The following CEP112 variants were observed in gnomAD, a reference collection of about 807,000 sequenced individuals.
CEP112 encodes the protein centrosomal protein of 112 kDa.
Under a neutral mutation model 153.0 loss-of-function variants are expected in CEP112, and 127 were observed. The ratio of observed to expected loss-of-function variants is 0.83; its 90% CI spans 0.72 to 0.96. The LOEUF is 0.96. Ranked by LOEUF, CEP112 falls within the 40% of genes least tolerant of loss-of-function variation. The pLI is 0.00. For missense variants in CEP112, 1,089 were observed against 1,101.2 expected (o/e 0.99, Z 0.16); for synonymous variants, 358 against 374.4 (o/e 0.96, Z 0.51).
At chr17:65,942,067 G>A (rs2144496548) in intron 18 of CEP112, among the ~76,000 whole-genome samples, 1 of 152,280 alleles carries the variant, frequency 6.6e-6, no homozygotes, top group Non-Finnish European at 1.5e-5. Context: ...CCAGGGCCAT[G>A]GACTGGTACT....
At chr17:65,679,956 T>G (rs1020360356) in intron 24 of CEP112, among the ~76,000 whole-genome samples, 3 of 152,226 alleles carry the variant, frequency 2.0e-5, no homozygotes, top group African/African-American at 7.2e-5. Context: ...GGACCAAGTT[T>G]TATTCTTTAA....
chr17:65,646,403 G>C (rs2045434749), intron 24 of CEP112, among the ~76,000 whole-genome samples: 4 of 152,130 alleles, frequency 2.6e-5, no homozygotes, highest in Admixed American at 2.6e-4. Flanking sequence ...AAACTCAAAT[G>C]CTCAATTTAA....
At chr17:65,871,345 T>C (rs2146505543) in intron 20 of CEP112, among the ~76,000 whole-genome samples, 1 of 152,198 alleles carries the variant, frequency 6.6e-6, no homozygotes, top group East Asian at 1.9e-4. Context: ...ACTACTACTT[T>C]AAATACATGC....
intron 16 of CEP112, among the ~76,000 whole-genome samples, chr17:66,025,626 G>C (rs1415283654): frequency 6.6e-6 from 1 of 151,988 alleles, no homozygotes; most frequent in Non-Finnish European, 1.5e-5. Flanking sequence ...AGTCAGAATG[G>C]CTATTATTAA....
At chr17:65,850,207 T>G (rs1003809627) in intron 21 of CEP112, among the ~76,000 whole-genome samples, 19 of 151,384 alleles carry the variant, frequency 1.3e-4, no homozygotes, top group African/African-American at 4.6e-4. Flanking sequence ...GAACTGTATA[T>G]TTTAGCATCG....
chr17:65,817,954 T>C (rs1334465981), intron 21 of CEP112, among the ~76,000 whole-genome samples: 1 of 151,882 alleles, frequency 6.6e-6, no homozygotes, highest in African/African-American at 2.4e-5. Flanking sequence ...ATAAACTAAT[T>C]TGCATTTTTT....
At chr17:65,809,328 G>C (rs554319313) in intron 21 of CEP112, among the ~76,000 whole-genome samples, 1 of 152,314 alleles carries the variant, frequency 6.6e-6, no homozygotes, top group East Asian at 1.9e-4. Flanking sequence ...ATACTGATGA[G>C]AAGCCATTGG....
chr17:65,797,196 C>T (rs932204094), intron 21 of CEP112: 2 of 152,276 alleles, frequency 1.3e-5, no homozygotes, highest in African/African-American at 4.8e-5. Context: ...CATTCCTTGG[C>T]TTCCACAAGA....
chr17:65,778,600 A>T (rs542661969), intron 21 of CEP112, among the ~76,000 whole-genome samples: 6 of 151,232 alleles, frequency 4.0e-5, no homozygotes, highest in African/African-American at 9.9e-5. Context: ...TGAATTAATT[A>T]AAAAAAGAAG....
chr17:65,679,225 A>C (rs1014488073), intron 24 of CEP112, among the ~76,000 whole-genome samples: 4 of 132,750 alleles, frequency 3.0e-5, no homozygotes, highest in African/African-American at 1.1e-4. Context: ...TGTGGCCAAA[A>C]TTACATGTGG....
chr17:65,712,274 G>A (rs896123859), intron 23 of CEP112, among the ~76,000 whole-genome samples: 8 of 152,116 alleles, frequency 5.3e-5, no homozygotes, highest in South Asian at 2.1e-4. Context: ...TGGTCTGGCC[G>A]CCATGGGGCA....
chr17:66,067,319 C>G (rs2067160045), intron 9 of CEP112, among the ~76,000 whole-genome samples: 1 of 152,134 alleles, frequency 6.6e-6, no homozygotes. Context: ...TAAATTGATT[C>G]TCAAATGTCA....
At chr17:65,847,100 T>C (rs988448240) in intron 21 of CEP112, among the ~76,000 whole-genome samples, 2 of 152,162 alleles carry the variant, frequency 1.3e-5, no homozygotes, top group African/African-American at 4.8e-5. Context: ...AAAACCGAAC[T>C]CATCGCACTC....
chr17:66,087,782 C>T (rs1051423697), intron 8 of CEP112, among the ~76,000 whole-genome samples: 1 of 152,118 alleles, frequency 6.6e-6, no homozygotes, highest in Non-Finnish European at 1.5e-5. Flanking sequence ...ACTCACATCA[C>T]CCCTCCCCCA....
intron 19 of CEP112, 95 bp from the exon 20 acceptor site, chr17:65,902,429 T>C: frequency 1.0e-6 from 1 of 1,004,512 alleles, no homozygotes; most frequent in South Asian, 2.2e-5. Flanking sequence ...TTTGTCCAAG[T>C]TGAAAATTTT....
chr17:65,792,976 G>T (rs538106550), intron 21 of CEP112, among the ~76,000 whole-genome samples: 3 of 151,978 alleles, frequency 2.0e-5, no homozygotes, highest in Non-Finnish European at 4.4e-5. Context: ...TTAGCTGGAC[G>T]CCTAGTGGGC....
intron 1 of CEP112, among the ~76,000 whole-genome samples, chr17:66,189,238 C>T (rs961698768): frequency 3.9e-5 from 6 of 152,126 alleles, no homozygotes; most frequent in African/African-American, 7.2e-5. Context: ...CGTTGGCTCA[C>T]ACCTGTAATC....
intron 17 of CEP112, among the ~76,000 whole-genome samples, chr17:65,994,777 A>T (rs1309888794): frequency 6.6e-6 from 1 of 152,162 alleles, no homozygotes; most frequent in Non-Finnish European, 1.5e-5. Context: ...GGAAAAGAAC[A>T]TTCCAGTTTC....
chr17:65,845,737 AT>A (rs1224741197), intron 21 of CEP112, among the ~76,000 whole-genome samples: 15 of 152,314 alleles, frequency 9.8e-5, no homozygotes, highest in Admixed American at 9.8e-4. Context: ...TCAAAAGTTC[AT>A]ATTTTATGGA....
Sources: gnomAD v4.1 joint callset for allele counts (sites outside exome capture counted in the v4.1 genomes callset) on GRCh38, gnomAD v4.1.1 for gene constraint, MANE v1.5 for transcripts, NCBI Gene and HGNC (gene_info 2026-07-23, HGNC 2026-07-21) for gene names.